The following SDK1 variants were observed in gnomAD, a reference collection of about 807,000 sequenced individuals.
SDK1 encodes sidekick cell adhesion molecule 1.
SDK1 carries 157 observed loss-of-function variants against 245.5 expected under a neutral mutation model. The ratio of observed to expected loss-of-function variants is 0.64; its 90% confidence interval spans 0.56 to 0.73. The LOEUF is 0.73. Ranked by LOEUF, SDK1 falls within the 30% of genes least tolerant of loss-of-function variation. The pLI, the probability that SDK1 is intolerant of heterozygous loss-of-function variation, is 0.00. For synonymous variants in SDK1, 1,647 were observed against 1,278.5 expected, an observed-to-expected ratio of 1.29 and a Z score of -6.15; for missense variants, 3,583 against 3,002.3, an observed-to-expected ratio of 1.19 and a Z score of -4.52.
chr7:3,697,540 C>CT lies in SDK1; in HGVS notation c.713+55442dup, dbSNP rs201714175. On this transcript the variant is annotated intron_variant, in intron 4 of 44. Transcript: ENST00000404826. ...GTGATTTGAACTTACTCTAATACCC[C>CT]TTTTTTTGAGTCATTTTTGTCTCAC... is the stretch of plus-strand genomic sequence containing the variant. Among the ~76,000 whole-genome samples, 761 of 152,224 alleles carry CT rather than the reference C, an allele frequency of 5.0e-3. 6 individuals are homozygous for CT. The highest frequency in any genetic ancestry group is 0.017 in the African/African-American group (710 of 41,522).
At chr7:3,596,576 T>A (rs1393561379) in intron 1 of SDK1, among the ~76,000 whole-genome samples, 5 of 152,234 alleles carry the variant, frequency 3.3e-5, no homozygotes, top group African/African-American at 1.2e-4. Context: ...AACGTCTCCA[T>A]CACCCCTGCA....
chr7:3,362,413 G>T (rs1239474727), intron 1 of SDK1, among the ~76,000 whole-genome samples: 1 of 152,106 alleles, frequency 6.6e-6, no homozygotes, highest in Non-Finnish European at 1.5e-5. Flanking sequence ...GTATTTTGGT[G>T]ATTGTGTTTG....
chr7:3,489,334 C>G (rs892587216), intron 1 of SDK1, among the ~76,000 whole-genome samples: 3 of 152,162 alleles, frequency 2.0e-5, no homozygotes, highest in Non-Finnish European at 4.4e-5. Flanking sequence ...TCTTTTTTGA[C>G]TCTAAACAAT....
At chr7:3,788,734 G>A (rs550909968) in intron 4 of SDK1, among the ~76,000 whole-genome samples, 26 of 152,328 alleles carry the variant, frequency 1.7e-4, no homozygotes, top group African/African-American at 5.1e-4. Context: ...AAAGCAGTCC[G>A]CGGGTTGGGC....
At position 3,529,510 on chromosome 7, in the gene SDK1, C is replaced by T. The variant is rs1009572638; in HGVS notation, c.299-89570C>T. 6.6e-5 allele frequency among the ~76,000 whole-genome samples: 10 copies of T among 152,110 alleles called. No individual in the cohort carries two copies. The South Asian group carries it at 1.2e-3, about 19-fold the overall frequency. On this transcript the variant is annotated intron_variant, in intron 1 of 44. Coordinates refer to ENST00000404826, the MANE Select transcript of SDK1 (RefSeq NM_152744.4). ...ATTTGAGCAAGAGAGTAAATGATGG[C>T]GATGGATATACATTAAATAAATGGG... is the stretch of plus-strand genomic sequence containing the variant.
At chr7:3,548,910 C>A (rs544906335) in intron 1 of SDK1, among the ~76,000 whole-genome samples, 1 of 152,300 alleles carries the variant, frequency 6.6e-6, no homozygotes, top group African/African-American at 2.4e-5. Context: ...CCTTCTCTAG[C>A]ATTAATCGGA....
chr7:3,987,674 G>A (rs761613343), intron 14 of SDK1, among the ~76,000 whole-genome samples: 3 of 152,280 alleles, frequency 2.0e-5, no homozygotes, highest in East Asian at 1.9e-4. Context: ...CACCGTCGCC[G>A]CCACTGCTCA....
intron 20 of SDK1, among the ~76,000 whole-genome samples, chr7:4,074,874 C>A (rs1174398319): frequency 4.3e-5 from 4 of 93,678 alleles, no homozygotes; most frequent in African/African-American, 2.8e-4. Context: ...CTCTCTCTCT[C>A]TCTCTCTCTC....
At chr7:4,149,579 C>T (rs1780217115) in intron 30 of SDK1, 116 bp downstream of exon 30, 2 of 621,894 alleles carry the variant, frequency 3.2e-6, no homozygotes, top group Non-Finnish European at 5.0e-6. Flanking sequence ...CCTGAGAGCA[C>T]AGGCCCCCTT....
At chr7:3,624,819 G>T (rs1433746496) in intron 2 of SDK1, among the ~76,000 whole-genome samples, 8 of 151,982 alleles carry the variant, frequency 5.3e-5, no homozygotes, top group Admixed American at 5.2e-4. Context: ...GCCGAGGGAG[G>T]CGCATCACCT....
chr7:3,999,610 A>C (rs879415787), intron 14 of SDK1, among the ~76,000 whole-genome samples: 2 of 152,214 alleles, frequency 1.3e-5, no homozygotes, highest in African/African-American at 2.4e-5. Flanking sequence ...GCTTGGATGC[A>C]GGGCAGCAAA....
intron 1 of SDK1, among the ~76,000 whole-genome samples, chr7:3,307,146 G>T (rs993210376): frequency 3.9e-5 from 6 of 152,114 alleles, no homozygotes; most frequent in African/African-American, 1.4e-4. Context: ...AAGTAACCGA[G>T]CATTTTAATT....
intron 17 of SDK1, among the ~76,000 whole-genome samples, chr7:4,024,188 A>G (rs896229772): frequency 2.0e-5 from 3 of 152,252 alleles, no homozygotes; most frequent in African/African-American, 7.2e-5. Flanking sequence ...AAGAAATGGA[A>G]AAAACATTTG....
chr7:3,319,878 C>CTTTTTTTTTTTTTTTTTTTTTTT lies in SDK1; in HGVS notation c.298+18011_298+18012insTTTTTTTTTTTTTTTTTTTTTTT, dbSNP rs57770805. Among the ~76,000 whole-genome samples, 352 of 87,898 alleles carry CTTTTTTTTTTTTTTTTTTTTTTT rather than the reference C, an allele frequency of 4.0e-3. 28 individuals carry two copies. The highest frequency in any genetic ancestry group is 5.1e-3 in the Non-Finnish European group (226 of 44,296). The allele number at this position is 87,898 out of a possible 152,430, so 57.7% of individuals were successfully genotyped here. ...TGCCTATATCTAACCCATTCTTAGTCTTTTTTTTTTTTTTTTTGCATTTGC... is the reference window on the plus strand; with the variant it reads ...TGCCTATATCTAACCCATTCTTAGTCTTTTTTTTTTTTTTTTTTTTTTTTTTTTTTTTTTTTTTTTGCATTTGC... On this transcript the variant is annotated intron_variant, in intron 1 of 44. Transcript: ENST00000404826.
chr7:3,786,968 G>T (rs115887770), intron 4 of SDK1, among the ~76,000 whole-genome samples: 1 of 152,066 alleles, frequency 6.6e-6, no homozygotes, highest in African/African-American at 2.4e-5. Flanking sequence ...AAGAAATAGA[G>T]TATAAACATT....
At chr7:3,671,837 A>T (rs1783710863) in intron 4 of SDK1, among the ~76,000 whole-genome samples, 1 of 152,140 alleles carries the variant, frequency 6.6e-6, no homozygotes. Flanking sequence ...ACCATTTTAT[A>T]GTTTTTTCCT....
intron 1 of SDK1, among the ~76,000 whole-genome samples, chr7:3,571,149 C>G (rs960191127): frequency 6.6e-6 from 1 of 151,930 alleles, no homozygotes; most frequent in African/African-American, 2.4e-5. Flanking sequence ...AGTCGACTTA[C>G]TGAAGTTGAT....
chr7:3,722,273 T>C (rs750450078), intron 4 of SDK1, among the ~76,000 whole-genome samples: 12 of 152,132 alleles, frequency 7.9e-5, no homozygotes, highest in Non-Finnish European at 1.5e-4. Context: ...GACCACGTCC[T>C]ATGCCATAGC....
At chr7:3,756,957 A>G (rs148920594) in intron 4 of SDK1, among the ~76,000 whole-genome samples, 32 of 152,224 alleles carry the variant, frequency 2.1e-4, no homozygotes, top group African/African-American at 7.5e-4. Flanking sequence ...AGGGTTTTCC[A>G]CTATAAAGTT....
Sources: gnomAD v4.1 joint callset for allele counts (sites outside exome capture counted in the v4.1 genomes callset) on GRCh38, gnomAD v4.1.1 for gene constraint, MANE v1.5 for transcripts, NCBI Gene and HGNC (gene_info 2026-07-23, HGNC 2026-07-21) for gene names.